Variants in AKAP19 observed in about 807,000 individuals in gnomAD.
The protein encoded by AKAP19 is small A-kinase anchoring protein.
chr2:190,183,323 T>C, the AKAP19 span, among the ~76,000 whole-genome samples: 21 of 152,340 alleles, frequency 1.4e-4, no homozygotes, highest in Non-Finnish European at 2.9e-4. Flanking sequence ...TTCGCTGGAC[T>C]CAGCCCTTTC....
the AKAP19 span, among the ~76,000 whole-genome samples, chr2:189,972,657 T>C: frequency 2.6e-5 from 4 of 152,140 alleles, no homozygotes; most frequent in Non-Finnish European, 5.9e-5. Context: ...TTTTATTTCG[T>C]TGAGCAGTGG....
the AKAP19 span, among the ~76,000 whole-genome samples, chr2:189,961,442 G>A: frequency 1.3e-5 from 2 of 152,108 alleles, no homozygotes; most frequent in Non-Finnish European, 2.9e-5. Flanking sequence ...TTACCATACA[G>A]AGAACAGTTT....
At chr2:189,916,509 A>T in the AKAP19 span, among the ~76,000 whole-genome samples, 2 of 151,894 alleles carry the variant, frequency 1.3e-5, no homozygotes, top group African/African-American at 4.8e-5. Flanking sequence ...TTTAGTAGAG[A>T]TGGGGTTTCA....
At chr2:190,041,128 A>G in the AKAP19 span, among the ~76,000 whole-genome samples, 1 of 152,206 alleles carries the variant, frequency 6.6e-6, no homozygotes, top group South Asian at 2.1e-4. Context: ...AGCTATTTTA[A>G]TGATATTGAT....
chr2:190,103,228 G>A, the AKAP19 span, among the ~76,000 whole-genome samples: 6 of 152,216 alleles, frequency 3.9e-5, no homozygotes, highest in South Asian at 2.1e-4. Flanking sequence ...ATGCACAGCC[G>A]ACATCATGCT....
chr2:189,969,869 C>CTTTTT, the AKAP19 span, among the ~76,000 whole-genome samples: 78 of 109,936 alleles, frequency 7.1e-4, no homozygotes, highest in East Asian at 3.4e-3. Flanking sequence ...TCTTCTTCTT[C>CTTTTT]TTTTTTTTTT....
At chr2:190,074,041 C>T in the AKAP19 span, among the ~76,000 whole-genome samples, 5 of 129,668 alleles carry the variant, frequency 3.9e-5, no homozygotes, top group African/African-American at 1.7e-4. Context: ...GATTCCGTCT[C>T]AGAAAAAAAA....
the AKAP19 span, among the ~76,000 whole-genome samples, chr2:190,191,201 G>A: frequency 6.6e-6 from 1 of 152,020 alleles, no homozygotes; most frequent in Non-Finnish European, 1.5e-5. Flanking sequence ...GCAGTTGCGT[G>A]ATCTCAGCTC....
the AKAP19 span, among the ~76,000 whole-genome samples, chr2:190,127,549 G>GA: frequency 1.3e-5 from 2 of 151,960 alleles, no homozygotes; most frequent in African/African-American, 2.4e-5. Flanking sequence ...AAATATATGT[G>GA]AAAAAACACC....
chr2:189,963,351 C>T, the AKAP19 span, among the ~76,000 whole-genome samples: 1 of 143,012 alleles, frequency 7.0e-6, no homozygotes, highest in African/African-American at 2.7e-5. Context: ...CCCACCACCA[C>T]ACCTGGCTAA....
At chr2:190,167,559 A>G in the AKAP19 span, among the ~76,000 whole-genome samples, 1 of 152,236 alleles carries the variant, frequency 6.6e-6, no homozygotes, top group African/African-American at 2.4e-5. Context: ...CCTTCTGCCT[A>G]TGAGCGTGTA....
chr2:190,200,132 A>G, the AKAP19 span: 2 of 1,613,756 alleles, frequency 1.2e-6, no homozygotes, highest in African/African-American at 2.7e-5. Context: ...CCATACATTG[A>G]GAGTGAGGGG....
the AKAP19 span, among the ~76,000 whole-genome samples, chr2:189,974,560 T>A: frequency 6.6e-6 from 1 of 152,200 alleles, no homozygotes; most frequent in Admixed American, 6.5e-5. Flanking sequence ...CGTTGATCTG[T>A]CTAATGTTAG....
the AKAP19 span, among the ~76,000 whole-genome samples, chr2:190,052,365 A>G: frequency 6.6e-6 from 1 of 152,210 alleles, no homozygotes; most frequent in Non-Finnish European, 1.5e-5. Flanking sequence ...ATTTTCTGCC[A>G]TAGTCACTTT....
the AKAP19 span, among the ~76,000 whole-genome samples, chr2:189,975,911 C>G: frequency 6.6e-5 from 10 of 152,268 alleles, no homozygotes; most frequent in Admixed American, 2.0e-4. Flanking sequence ...TTTTTAGCTT[C>G]TTTGTGTTGG....
chr2:190,011,331 G>A, the AKAP19 span, among the ~76,000 whole-genome samples: 1 of 152,148 alleles, frequency 6.6e-6, no homozygotes. Flanking sequence ...AAAGGGCTGG[G>A]ATTACTGGCC....
At chr2:190,203,149 C>G in the AKAP19 span, 2 of 167,048 alleles carry the variant, frequency 1.2e-5, no homozygotes, top group Non-Finnish European at 2.9e-5. Context: ...GGAAACTATA[C>G]TTTTGTATTA....
At chr2:190,020,046 T>G in the AKAP19 span, among the ~76,000 whole-genome samples, 1 of 152,238 alleles carries the variant, frequency 6.6e-6, no homozygotes, top group African/African-American at 2.4e-5. Flanking sequence ...AGTTCCTGAT[T>G]CTTTGGTTTT....
the AKAP19 span, among the ~76,000 whole-genome samples, chr2:189,982,320 T>G: frequency 1.3e-5 from 2 of 152,188 alleles, no homozygotes; most frequent in African/African-American, 4.8e-5. Context: ...TATTTTGAAA[T>G]TCTATTAGTG....
Sources: gnomAD v4.1 joint callset for allele counts (sites outside exome capture counted in the v4.1 genomes callset) on GRCh38, gnomAD v4.1.1 for gene constraint, MANE v1.5 for transcripts, NCBI Gene and HGNC (gene_info 2026-07-23, HGNC 2026-07-21) for gene names.